The following CSMD3 variants were observed in gnomAD, a reference collection of about 807,000 sequenced individuals.
CSMD3 encodes CUB and sushi domain-containing protein 3.
CSMD3 carries 177 observed loss-of-function variants against 435.2 expected under a neutral mutation model. The observed-to-expected ratio is 0.41, with a 90% CI of 0.36 to 0.46. CSMD3 has a LOEUF of 0.46. CSMD3 is among the 20% of genes least tolerant of loss of function. The pLI is 0.34. For synonymous variants in CSMD3, 1,656 were observed against 1,520.5 expected (o/e 1.09, Z -2.07); for missense variants, 4,265 against 4,504.6 (o/e 0.95, Z 1.52).
chr8:113,361,882 A>G (rs1413288615), intron 1 of CSMD3, among the ~76,000 whole-genome samples: 1 of 152,200 alleles, frequency 6.6e-6, no homozygotes, highest in African/African-American at 2.4e-5. Context: ...TTAATATTTC[A>G]TTGACCAATT....
chr8:113,369,192 C>A (rs1402936544), intron 1 of CSMD3, among the ~76,000 whole-genome samples: 5 of 151,812 alleles, frequency 3.3e-5, no homozygotes, highest in Non-Finnish European at 5.9e-5. Flanking sequence ...ATTTCACCCA[C>A]ATTTTAGTTA....
intron 5 of CSMD3, among the ~76,000 whole-genome samples, chr8:113,026,975 A>G (rs1322749937): frequency 6.6e-6 from 1 of 152,184 alleles, no homozygotes; most frequent in Non-Finnish European, 1.5e-5. Flanking sequence ...TCGAATCCAT[A>G]AGCACATTTC....
Position 112,465,974 on chromosome 8 carries a change from C to CAAA in CSMD3, c.5395+6614_5395+6616dup, listed in dbSNP as rs201876803. Among the ~76,000 whole-genome samples, 51 of 114,156 alleles carry CAAA rather than the reference C, an allele frequency of 4.5e-4. 1 individual carries two copies. The highest frequency in any genetic ancestry group is 1.7e-3 in the African/African-American group (50 of 28,936). The allele number at this position is 114,156 out of a possible 152,430, so 74.9% of individuals were successfully genotyped here. ...TGGGAAGCAGAGGGAGACACCATCT[C>CAAA]AAAAAAAAAAAAAAAGAGTTCCCTG... On this transcript the variant is annotated intron_variant, in intron 32 of 70. Coordinates refer to ENST00000297405, the MANE Select transcript of CSMD3 (RefSeq NM_198123.2).
At chr8:112,265,720 A>G (rs1362701702) in intron 59 of CSMD3, 130 bp from the exon 60 acceptor site, 2 of 744,274 alleles carry the variant, frequency 2.7e-6, no homozygotes, top group Non-Finnish European at 4.8e-6. Flanking sequence ...TAATCATAAA[A>G]CATAAACATA....
At chr8:113,370,516 T>A (rs1175436984) in intron 1 of CSMD3, among the ~76,000 whole-genome samples, 2 of 151,908 alleles carry the variant, frequency 1.3e-5, no homozygotes, top group African/African-American at 4.8e-5. Flanking sequence ...AATCATTTAT[T>A]GAATGCATGT....
intron 1 of CSMD3, among the ~76,000 whole-genome samples, chr8:113,351,346 C>T (rs1242652069): frequency 6.6e-6 from 1 of 152,028 alleles, no homozygotes; most frequent in African/African-American, 2.4e-5. Context: ...ATGAATATAT[C>T]TTGGAAAAAG....
chr8:113,288,313 G>A (rs2093660900), intron 2 of CSMD3, among the ~76,000 whole-genome samples: 1 of 151,696 alleles, frequency 6.6e-6, no homozygotes, highest in Non-Finnish European at 1.5e-5. Flanking sequence ...TAAAAATGTA[G>A]ATATTCTCAG....
intron 38 of CSMD3, among the ~76,000 whole-genome samples, chr8:112,376,858 A>T (rs764203566): frequency 1.4e-4 from 22 of 152,158 alleles, no homozygotes; most frequent in Admixed American, 3.3e-4. Flanking sequence ...ACTCTAAAGG[A>T]TATGGTAAAC....
chr8:112,434,892 A>C (rs934701927), intron 32 of CSMD3, among the ~76,000 whole-genome samples: 2 of 152,134 alleles, frequency 1.3e-5, no homozygotes, highest in Non-Finnish European at 2.9e-5. Flanking sequence ...GTTGCCTCAT[A>C]CTTGAAAATC....
intron 1 of CSMD3, among the ~76,000 whole-genome samples, chr8:113,368,551 C>T (rs2094327758): frequency 6.6e-6 from 1 of 151,994 alleles, no homozygotes. Flanking sequence ...AATGTGTTAC[C>T]TTTCCTTATA....
chr8:112,846,769 C>T (rs1475768853), intron 11 of CSMD3, among the ~76,000 whole-genome samples: 1 of 151,532 alleles, frequency 6.6e-6, no homozygotes, highest in African/African-American at 2.4e-5. Context: ...ATTGTACTTG[C>T]ACAGAGTAAT....
chr8:112,374,454 A>T (rs958182701), intron 38 of CSMD3, among the ~76,000 whole-genome samples: 2 of 152,136 alleles, frequency 1.3e-5, no homozygotes, highest in Non-Finnish European at 2.9e-5. Flanking sequence ...CCACTGTAGT[A>T]TTTTTATGTC....
At chr8:113,091,611 T>C (rs1264623707) in intron 5 of CSMD3, among the ~76,000 whole-genome samples, 1 of 152,026 alleles carries the variant, frequency 6.6e-6, no homozygotes, top group African/African-American at 2.4e-5. Flanking sequence ...GTATCAATTA[T>C]AATGTTTTCT....
chr8:113,325,821 C>G (rs895243713), intron 1 of CSMD3, among the ~76,000 whole-genome samples: 8 of 152,106 alleles, frequency 5.3e-5, no homozygotes, highest in African/African-American at 1.9e-4. Flanking sequence ...CAATGTAGAT[C>G]TTAGCCTCAG....
intron 27 of CSMD3, among the ~76,000 whole-genome samples, chr8:112,522,613 A>T (rs1210473043): frequency 6.6e-6 from 1 of 151,932 alleles, no homozygotes; most frequent in Non-Finnish European, 1.5e-5. Context: ...TTGTCATTTC[A>T]GTGTATGCTG....
chr8:112,598,139 C>G (rs1831934003), intron 22 of CSMD3, among the ~76,000 whole-genome samples: 1 of 144,560 alleles, frequency 6.9e-6, no homozygotes, highest in Admixed American at 7.0e-5. Context: ...AGCCCAAAAT[C>G]TCCTTAAGCT....
chr8:112,598,079 T>C (rs1831923591), intron 22 of CSMD3, among the ~76,000 whole-genome samples: 1 of 149,376 alleles, frequency 6.7e-6, no homozygotes, highest in Non-Finnish European at 1.5e-5. Flanking sequence ...AGTCAAATTG[T>C]CCCTGTTTGC....
chr8:113,175,299 G>C (rs2092331278), intron 3 of CSMD3, among the ~76,000 whole-genome samples: 1 of 151,656 alleles, frequency 6.6e-6, no homozygotes, highest in African/African-American at 2.4e-5. Flanking sequence ...AAAATGTATT[G>C]AGCACAGGAC....
intron 16 of CSMD3, among the ~76,000 whole-genome samples, chr8:112,667,227 T>G (rs2075547406): frequency 6.6e-6 from 1 of 152,124 alleles, no homozygotes; most frequent in Non-Finnish European, 1.5e-5. Flanking sequence ...TAAAATCACT[T>G]TGAAGTCAAC....
Sources: gnomAD v4.1 joint callset for allele counts (sites outside exome capture counted in the v4.1 genomes callset) on GRCh38, gnomAD v4.1.1 for gene constraint, MANE v1.5 for transcripts, NCBI Gene and HGNC (gene_info 2026-07-23, HGNC 2026-07-21) for gene names.